VPS13D: variants seen among roughly 807,000 people sequenced by gnomAD.
The protein encoded by VPS13D is vacuolar protein sorting 13 homolog D.
A neutral mutation model predicts 461.9 loss-of-function variants in VPS13D; 187 were observed. The ratio of observed to expected loss-of-function variants is 0.40; its 90% CI spans 0.36 to 0.46. VPS13D has a LOEUF of 0.46. Among genes scored for constraint, VPS13D ranks in the 20% least tolerant of loss-of-function variants. The pLI is 0.60. For missense variants in VPS13D, 4,711 were observed against 5,364.9 expected (o/e 0.88, Z 3.81); for synonymous variants, 1,951 against 1,986.3 (o/e 0.98, Z 0.47).
chr1:12,386,049 G>A (rs1557748649), intron 59 of VPS13D, 136 bp from the exon 60 acceptor site: 5 of 956,784 alleles, frequency 5.2e-6, no homozygotes, highest in South Asian at 4.1e-5. Context: ...TAAATAATAG[G>A]ACTCCCCTAA....
chr1:12,349,034 G>A (rs1643739071), intron 45 of VPS13D, 61 bp downstream of exon 45: 3 of 1,610,902 alleles, frequency 1.9e-6, no homozygotes, highest in East Asian at 2.2e-5. Context: ...CTGTTGTCAA[G>A]TCTCTTTTTC....
At position 12,392,140 on chromosome 1, in the gene VPS13D, G is replaced by A. The variant is rs565157538; in HGVS notation, c.11634+5806G>A. On this transcript the variant is annotated intron_variant, in intron 60 of 69. Transcript: ENST00000620676. ...GCCTCCCAGGGTCCTGGGATTATAG[G>A]TGTGAGCCACTGCATCCAACCCAAA... Among the ~76,000 whole-genome samples the A allele has an allele frequency of 1.0e-3, 157 of 152,240 alleles. 1 individual carries two copies. Among genetic ancestry groups the A allele is most frequent in the African/African-American group, 3.6e-3 (149 of 41,556 alleles).
At position 12,322,430 on chromosome 1, in the gene VPS13D, A is replaced by G; in HGVS notation, c.7705-106A>G. 5 of 1,085,996 alleles carry G rather than the reference A, an allele frequency of 4.6e-6. 1 individual carries two copies. In the South Asian group the frequency reaches 6.2e-5, roughly 13 times the overall value. The allele number at this position is 1,085,996 out of a possible 1,614,324, so 67.3% of individuals were successfully genotyped here. Reference sequence around the variant, plus strand: ...TTTTAAATGAGAAATTTGGTGCAGTATCTGTTGGACTTTTAGAAGTTGAAA... The same window carrying G: ...TTTTAAATGAGAAATTTGGTGCAGTGTCTGTTGGACTTTTAGAAGTTGAAA... On this transcript the variant is annotated intron_variant, in intron 33 of 69. Transcript: ENST00000620676.
At chr1:12,456,159 T>G in intron 66 of VPS13D, 29 bp downstream of exon 66, 1 of 1,586,464 alleles carries the variant, frequency 6.3e-7, no homozygotes, top group Non-Finnish European at 8.5e-7. Flanking sequence ...CAGGCTCTGC[T>G]GCTGCTGGTC....
At position 12,496,801 on chromosome 1, in the gene VPS13D, C is replaced by T. The variant is rs139130559; in HGVS notation, c.12663-699C>T. On this transcript the variant is annotated intron_variant, in intron 67 of 69. Transcript: ENST00000620676. ...AACAAAGCAGATTCCTCCGGGCCGC[C>T]GACAGCTGAGTGGCCCGAGTTAGAG... Among the ~76,000 whole-genome samples, 732 of 152,352 alleles carry T rather than the reference C, an allele frequency of 4.8e-3. 17 individuals carry two copies. Among genetic ancestry groups the T allele is most frequent in the South Asian group, 0.043 (207 of 4,824 alleles).
chr1:12,253,909 C>T, intron 7 of VPS13D, 83 bp downstream of exon 7: 2 of 1,054,232 alleles, frequency 1.9e-6, no homozygotes, highest in Non-Finnish European at 2.9e-6. Context: ...GCTTTTGTCT[C>T]TTGCCTCTCT....
At chr1:12,411,050 A>G (rs964272149) in intron 63 of VPS13D, among the ~76,000 whole-genome samples, 2 of 152,214 alleles carry the variant, frequency 1.3e-5, no homozygotes, top group Non-Finnish European at 2.9e-5. Context: ...GAGATAAAGG[A>G]AAGATACCCA....
chr1:12,353,925 T>G (rs756316296), intron 46 of VPS13D, 49 bp from the exon 47 acceptor site: 1 of 1,576,920 alleles, frequency 6.3e-7, no homozygotes, highest in South Asian at 1.2e-5. Flanking sequence ...AGAAAAAATT[T>G]AAGTTCTTCA....
Position 12,311,594 on chromosome 1 carries a change from G to T in VPS13D, c.6791G>T (p.Arg2264Leu). 6.2e-7 allele frequency: 1 copy of T among 1,614,102 alleles called. No homozygotes were observed. The highest frequency in any genetic ancestry group is 8.5e-7 in the Non-Finnish European group (1 of 1,180,018). The change falls in exon 28 of 70, where the codon CGG becomes CTG. Residue 2264 changes from arginine to leucine, a missense_variant. Arg to Leu is a moderately radical substitution (Grantham distance 102). Around this residue, in one of 3 missense-constraint regions of VPS13D, gnomAD observed 4,411 missense variants for 4,937.8 expected, o/e 0.89. Transcript: ENST00000620676. ...GGAGAACCCATAGAGGAATTTATGCGGCCTTATGATTTACAAGATCCAAGA... is the reference window on the plus strand; with the variant it reads ...GGAGAACCCATAGAGGAATTTATGCTGCCTTATGATTTACAAGATCCAAGA... ...NLGEPIEEFMRPYDLQDPRIH... is the reference protein window; with the variant it reads ...NLGEPIEEFMLPYDLQDPRIH...
intron 68 of VPS13D, 121 bp downstream of exon 68, chr1:12,497,752 A>G: frequency 4.8e-6 from 6 of 1,246,606 alleles, no homozygotes; most frequent in Non-Finnish European, 6.4e-6. Context: ...GATCTGGTCA[A>G]AGAATTCCTT....
chr1:12,427,209 A>C (rs1483848202), intron 65 of VPS13D, among the ~76,000 whole-genome samples: 1 of 150,076 alleles, frequency 6.7e-6, no homozygotes, highest in Non-Finnish European at 1.5e-5. Context: ...TATAAGCCTA[A>C]AACTAGGTAA....
chr1:12,401,716 T>A lies in VPS13D; in HGVS notation c.11881+12T>A. ...TCAAGCAGAATCAGGTAATGTTGAATGTTCTATGTCTGTGTTTGGGAATTG... is the reference window on the plus strand; with the variant it reads ...TCAAGCAGAATCAGGTAATGTTGAAAGTTCTATGTCTGTGTTTGGGAATTG... On this transcript the variant is annotated intron_variant, in intron 62 of 69. Transcript: ENST00000620676. 6.2e-7 allele frequency: 1 copy of A among 1,607,712 alleles called. No homozygotes were observed. The highest frequency in any genetic ancestry group is 8.5e-7 in the Non-Finnish European group (1 of 1,174,646).
chr1:12,502,908 C>T lies in VPS13D; in HGVS notation c.12795-3945C>T, dbSNP rs1019030864. Among the ~76,000 whole-genome samples, 1 of 152,192 alleles carries T rather than the reference C, an allele frequency of 6.6e-6. No homozygotes were observed. The highest frequency in any genetic ancestry group is 2.4e-5 in the African/African-American group (1 of 41,444). ...TGTGTGGGGCACGTAGATTAGCTCA[C>T]ACCATCACAGTGGCCCTGCAGAGTA... On this transcript the variant is annotated intron_variant, in intron 68 of 69. Coordinates refer to ENST00000620676, the MANE Select transcript of VPS13D (RefSeq NM_015378.4). The surrounding 1 kb of genome is among the most constrained non-coding windows in gnomAD (Gnocchi z 4.3).
intron 68 of VPS13D, chr1:12,499,493 G>C: frequency 5.1e-6 from 5 of 985,328 alleles, no homozygotes; most frequent in Non-Finnish European, 6.0e-6. Flanking sequence ...GAAATTGCGT[G>C]GTACAGCCAA....
At chr1:12,431,201 T>G (rs976553278) in intron 65 of VPS13D, among the ~76,000 whole-genome samples, 1 of 152,212 alleles carries the variant, frequency 6.6e-6, no homozygotes, top group Non-Finnish European at 1.5e-5. Flanking sequence ...TCCTAAGAGA[T>G]GTGTCAACAC....
At chr1:12,236,442 G>A (rs955831170) in intron 2 of VPS13D, among the ~76,000 whole-genome samples, 4 of 151,936 alleles carry the variant, frequency 2.6e-5, no homozygotes, top group Non-Finnish European at 5.9e-5. Context: ...GTGCAGTGGC[G>A]TGATTTCACC....
intron 47 of VPS13D, among the ~76,000 whole-genome samples, chr1:12,355,361 A>G (rs1643876427): frequency 6.6e-6 from 1 of 152,230 alleles, no homozygotes. Context: ...CACTTGAAAC[A>G]AAGAGGAATG....
chr1:12,494,441 C>T (rs995366001), intron 67 of VPS13D, among the ~76,000 whole-genome samples: 7 of 152,188 alleles, frequency 4.6e-5, no homozygotes, highest in Non-Finnish European at 4.4e-5. Flanking sequence ...CACTAGAAAG[C>T]TGTTTGATCG....
chr1:12,276,755 C>G lies in VPS13D; in HGVS notation c.3167C>G (p.Ala1056Gly). The change falls in exon 19 of 70, where the codon GCT becomes GGT. Residue 1056 changes from alanine to glycine, a missense_variant. Ala to Gly is a moderately conservative substitution (Grantham distance 60). Coordinates refer to ENST00000620676, the MANE Select transcript of VPS13D (RefSeq NM_015378.4). The surrounding 1 kb of genome is among the most constrained non-coding windows in gnomAD (Gnocchi z 4.5). ...GPNVAHLTDG[A>G]TLNDRSATSV... ...AATGTGGCCCACTTAACTGATGGAG[C>G]TACACTGAACGACCGATCAGCTACT... The G allele has an allele frequency of 6.2e-7, 1 of 1,614,152 alleles. No homozygotes were observed. Among genetic ancestry groups the G allele is most frequent in the South Asian group, 1.1e-5 (1 of 91,082 alleles).
Sources: gnomAD v4.1 joint callset for allele counts (sites outside exome capture counted in the v4.1 genomes callset) on GRCh38, gnomAD v4.1.1 for gene constraint, gnomAD v4.1.1 regional missense constraint, Gnocchi (gnomAD v3.1) non-coding constraint, MANE v1.5 for transcripts, NCBI Gene and HGNC (gene_info 2026-07-23, HGNC 2026-07-21) for gene names.